PHEX: variants seen among roughly 807,000 people sequenced by gnomAD.
PHEX encodes the protein phosphate-regulating neutral endopeptidase PHEX.
A neutral mutation model predicts 68.0 loss-of-function variants in PHEX; 16 were observed. The observed-to-expected ratio is 0.24, with a 90% CI of 0.16 to 0.36. The LOEUF is 0.36. PHEX is among the 10% of genes least tolerant of loss of function. The pLI, the probability that PHEX is intolerant of heterozygous loss-of-function variation, is 1.00. For missense variants in PHEX, 480 were observed against 575.5 expected (o/e 0.83, Z 1.70); for synonymous variants, 208 against 205.1 (o/e 1.01, Z -0.12).
At chrX:22,207,613 TAACTA>T (rs904575503) in intron 15 of PHEX, among the ~76,000 whole-genome samples, 39 of 111,245 alleles carry the variant, frequency 3.5e-4, no homozygotes, top group African/African-American at 1.2e-3. Flanking sequence ...AACAAATAAA[TAACTA>T]AAATAAGAAA....
intron 12 of PHEX, among the ~76,000 whole-genome samples, chrX:22,135,407 C>T (rs1932185726): frequency 8.9e-6 from 1 of 112,249 alleles, no homozygotes; most frequent in African/African-American, 3.2e-5. Context: ...GTATTAAGGG[C>T]TCTTTATCCT....
At chrX:22,169,293 T>C (rs962054557) in intron 13 of PHEX, among the ~76,000 whole-genome samples, 3 of 112,146 alleles carry the variant, frequency 2.7e-5, no homozygotes, top group Admixed American at 9.5e-5. Context: ...AAAATATTGA[T>C]ACAGTTGCTC....
At chrX:22,036,134 G>A (rs374363874) in intron 1 of PHEX, among the ~76,000 whole-genome samples, 5 of 95,500 alleles carry the variant, frequency 5.2e-5, no homozygotes, top group South Asian at 5.1e-4. Flanking sequence ...ATCTTGGCTC[G>A]CTACAACCTC....
chrX:22,165,479 G>T (rs1933281953), intron 12 of PHEX, among the ~76,000 whole-genome samples: 1 of 111,218 alleles, frequency 9.0e-6, no homozygotes, highest in Admixed American at 9.6e-5. Context: ...GCCGCTTAGG[G>T]CTGCTTGGGT....
At chrX:22,116,302 C>T (rs944242706) in intron 11 of PHEX, among the ~76,000 whole-genome samples, 14 of 111,467 alleles carry the variant, frequency 1.3e-4, no homozygotes, top group South Asian at 3.7e-4. Context: ...TCAGATTATT[C>T]GTTTTTTCAC....
At chrX:22,241,981 G>C (rs1219282710) in intron 20 of PHEX, among the ~76,000 whole-genome samples, 1 of 111,576 alleles carries the variant, frequency 9.0e-6, no homozygotes, top group Non-Finnish European at 1.9e-5. Context: ...CAAAAAAAGA[G>C]AATTTTAGAC....
At chrX:22,085,588 A>T (rs1296595857) in intron 5 of PHEX, among the ~76,000 whole-genome samples, 1 of 110,392 alleles carries the variant, frequency 9.1e-6, no homozygotes, top group Non-Finnish European at 1.9e-5. Context: ...AAAAAAAAAA[A>T]AAAGATTCCA....
chrX:22,041,241 ATCTC>A (rs778017024), intron 2 of PHEX, among the ~76,000 whole-genome samples: 1 of 51,150 alleles, frequency 2.0e-5, no homozygotes, highest in African/African-American at 9.5e-5. Flanking sequence ...TTCTTAAGTG[ATCTC>A]TCTCTCTCTC....
At chrX:22,047,237 T>C in intron 3 of PHEX, 26 bp downstream of exon 3, 3 of 1,152,472 alleles carry the variant, frequency 2.6e-6, no homozygotes, top group Non-Finnish European at 3.6e-6. Flanking sequence ...GGTTTGGTGA[T>C]ACACTTTATA....
intron 20 of PHEX, among the ~76,000 whole-genome samples, chrX:22,234,753 T>G (rs1436582883): frequency 9.2e-6 from 1 of 108,245 alleles, no homozygotes; most frequent in African/African-American, 3.4e-5. Flanking sequence ...TCCCTGGCTT[T>G]AGAACCCCTT....
At chrX:22,117,453 C>T (rs1382662252) in intron 11 of PHEX, among the ~76,000 whole-genome samples, 2 of 111,713 alleles carry the variant, frequency 1.8e-5, no homozygotes, top group Non-Finnish European at 3.8e-5. Context: ...TTTCAAAATA[C>T]TCAGTATTCT....
chrX:22,040,043 G>A (rs1466747800), intron 2 of PHEX, among the ~76,000 whole-genome samples: 1 of 111,671 alleles, frequency 9.0e-6, no homozygotes, highest in Non-Finnish European at 1.9e-5. Flanking sequence ...GAGGTGAGGG[G>A]AAACCTGGGG....
At chrX:22,161,588 A>C (rs985197628) in intron 12 of PHEX, among the ~76,000 whole-genome samples, 1 of 112,363 alleles carries the variant, frequency 8.9e-6, no homozygotes, top group Admixed American at 9.4e-5. Flanking sequence ...GGGTTTATCA[A>C]ATTATTCATT....
intron 11 of PHEX, among the ~76,000 whole-genome samples, chrX:22,130,094 C>G (rs1362857161): frequency 8.9e-6 from 1 of 112,029 alleles, no homozygotes; most frequent in Admixed American, 9.5e-5. Flanking sequence ...AAATGAGTCA[C>G]CTGTTTCCAT....
At chrX:22,034,027 A>G (rs1046596969) in intron 1 of PHEX, among the ~76,000 whole-genome samples, 10 of 112,267 alleles carry the variant, frequency 8.9e-5, no homozygotes, top group African/African-American at 3.2e-4. Context: ...TAAAAGAGTT[A>G]GGGTTGTGTG....
rs1020719706 is a variant in PHEX, at chrX:22,062,599, G to A, written c.350-13789G>A. On this transcript the variant is annotated intron_variant, in intron 3 of 21. Coordinates refer to ENST00000379374, the MANE Select transcript of PHEX (RefSeq NM_000444.6). ...CCACATTGCAATACCCAGTAGCCTC[G>A]TGGGACTACTGAAAAGTACAATTCT... Among the ~76,000 whole-genome samples the A allele has an allele frequency of 4.7e-4, 52 of 111,200 alleles. 2 individuals are homozygous for A. Among genetic ancestry groups the A allele is most frequent in the East Asian group, 1.4e-3 (5 of 3,531 alleles).
intron 11 of PHEX, among the ~76,000 whole-genome samples, chrX:22,124,743 A>T (rs141241068): frequency 0.061 from 6,890 of 112,054 alleles, 499 homozygotes; most frequent in African/African-American, 0.21. Flanking sequence ...TAGAAATATA[A>T]ATATCTACCT....
chrX:22,159,768 G>C (rs1207061190), intron 12 of PHEX, among the ~76,000 whole-genome samples: 1 of 112,086 alleles, frequency 8.9e-6, no homozygotes, highest in Non-Finnish European at 1.9e-5. Context: ...TACAGAAAAA[G>C]TTTGGTTATT....
chrX:22,077,682 T>G lies in PHEX; in HGVS notation c.643T>G (p.Ser215Ala). 8.3e-7 allele frequency: 1 copy of G among 1,201,346 alleles called. No homozygotes were observed. Among genetic ancestry groups the G allele is most frequent in the Non-Finnish European group, 1.1e-6 (1 of 885,859 alleles). Residue 215 changes from serine to alanine, a missense_variant, in exon 5 of 22, where the codon TCC (serine) becomes GCC (alanine). Coordinates refer to ENST00000379374, the MANE Select transcript of PHEX (RefSeq NM_000444.6). ...GTATGTGTCCCCTGATGACAAAGCATCCAATGAACATATCTTGAAGGTATA... is the reference window on the plus strand; with the variant it reads ...GTATGTGTCCCCTGATGACAAAGCAGCCAATGAACATATCTTGAAGGTATA... ...RLYVSPDDKA[S>A]NEHILKLDQA... is the part of the protein sequence containing the mutation.
Sources: allele counts gnomAD v4.1 joint callset (sites outside exome capture counted in the v4.1 genomes callset), GRCh38; gene constraint gnomAD v4.1.1; transcripts MANE v1.5; gene names NCBI Gene and HGNC (gene_info 2026-07-23, HGNC 2026-07-21).